Variants in SERINC5 observed in about 807,000 individuals in gnomAD.
SERINC5 encodes the protein serine incorporator 5.
Under a neutral mutation model 63.1 loss-of-function variants are expected in SERINC5, and 41 were observed. That is an observed-to-expected ratio of 0.65 (90% CI 0.51 to 0.84). The LOEUF is 0.84. SERINC5 is among the 40% of genes least tolerant of loss of function. SERINC5 has a pLI of 0.00. For missense variants in SERINC5, 523 were observed against 573.0 expected (o/e 0.91, Z 0.89); for synonymous variants, 222 against 215.2 (o/e 1.03, Z -0.28).
At chr5:80,214,195 G>A (rs1750561000) in intron 1 of SERINC5, among the ~76,000 whole-genome samples, 1 of 152,158 alleles carries the variant, frequency 6.6e-6, no homozygotes, top group Admixed American at 6.5e-5. Context: ...TATTAATAGT[G>A]TAGAGTATGA....
chr5:80,155,681 G>A (rs1315374338), intron 8 of SERINC5, among the ~76,000 whole-genome samples: 1 of 151,956 alleles, frequency 6.6e-6, no homozygotes, highest in Admixed American at 6.6e-5. Flanking sequence ...GAGGCAGGAG[G>A]ATCCCTTAAG....
chr5:80,148,182 TTTTATTC>T (rs1403249545), intron 9 of SERINC5, among the ~76,000 whole-genome samples: 9,016 of 141,758 alleles, frequency 0.064, 326 homozygotes, highest in East Asian at 0.097. Context: ...CTTGCGTATT[TTTTATTC>T]TTTTTTTTTT....
intron 1 of SERINC5, among the ~76,000 whole-genome samples, chr5:80,222,418 C>T (rs555110686): frequency 1.3e-4 from 20 of 152,164 alleles, no homozygotes; most frequent in Non-Finnish European, 2.6e-4. Context: ...CAAGGAGACT[C>T]GAGAAATGTG....
At chr5:80,148,965 C>T (rs970756801) in intron 9 of SERINC5, among the ~76,000 whole-genome samples, 2 of 152,128 alleles carry the variant, frequency 1.3e-5, no homozygotes, top group East Asian at 1.9e-4. Flanking sequence ...ATTCAGTGGG[C>T]CCAAGACACG....
chr5:80,219,508 G>T (rs559681301), intron 1 of SERINC5, among the ~76,000 whole-genome samples: 32 of 152,226 alleles, frequency 2.1e-4, no homozygotes, highest in Admixed American at 7.9e-4. Context: ...AATAGCCGCT[G>T]TTCATTGCCT....
intron 9 of SERINC5, among the ~76,000 whole-genome samples, chr5:80,149,034 C>T (rs1746005199): frequency 6.6e-6 from 1 of 152,214 alleles, no homozygotes; most frequent in Non-Finnish European, 1.5e-5. Flanking sequence ...TATGAACTCT[C>T]ACTTTCAAAG....
At chr5:80,228,857 T>C (rs559183767) in intron 1 of SERINC5, among the ~76,000 whole-genome samples, 1 of 152,188 alleles carries the variant, frequency 6.6e-6, no homozygotes, top group Admixed American at 6.5e-5. Context: ...CACACTCTAA[T>C]ATAAATAAAA....
chr5:80,254,910 A>G (rs896776646), intron 1 of SERINC5, among the ~76,000 whole-genome samples: 1 of 152,128 alleles, frequency 6.6e-6, no homozygotes, highest in Non-Finnish European at 1.5e-5. Flanking sequence ...CCACTCCATC[A>G]CTTACAGCTG....
chr5:80,199,678 T>G (rs934559838), intron 2 of SERINC5, among the ~76,000 whole-genome samples: 6 of 152,210 alleles, frequency 3.9e-5, no homozygotes, highest in African/African-American at 1.4e-4. Context: ...TATCTCTCCC[T>G]CTAACGTCTC....
In SERINC5 at chr5:80,142,537, G is replaced by A; in HGVS notation, c.*1126C>T. The stretch of plus-strand genomic sequence containing the variant: ...GCCACTTCCACACATTGCCTAACAA[G>A]CTTCTTCTGGTCAGTGTGTCTGAGA... On this transcript the variant is annotated 3_prime_UTR_variant, in exon 12 of 12. Transcript: ENST00000507668. The A allele has an allele frequency of 2.0e-6, 2 of 985,388 alleles. No individual in the cohort carries two copies. Among genetic ancestry groups the A allele is most frequent in the Non-Finnish European group, 1.2e-6 (1 of 829,950 alleles). The allele number at this position is 985,388 out of a possible 1,614,324, so 61.0% of individuals were successfully genotyped here. A position where few individuals can be genotyped will look rare whatever the true frequency, so the allele number is the denominator to read the frequency against.
chr5:80,139,417 A>G lies in SERINC5; in HGVS notation c.*4246T>C. On this transcript the variant is annotated 3_prime_UTR_variant, in exon 12 of 12. Transcript: ENST00000507668. The stretch of plus-strand genomic sequence containing the variant: ...GTTCTTCCATCATTTTACTCATGTG[A>G]ATATGATTAAACTCCTATAGAAGTG... The G allele has an allele frequency of 4.1e-6, 4 of 984,694 alleles. No individual in the cohort carries two copies. The highest frequency in any genetic ancestry group is 4.8e-6 in the Non-Finnish European group (4 of 829,270). The allele number at this position is 984,694 out of a possible 1,614,324, so 61.0% of individuals were successfully genotyped here. A position where few individuals can be genotyped will look rare whatever the true frequency, so the allele number is the denominator to read the frequency against.
At chr5:80,172,203 G>T (rs1035165932) in intron 5 of SERINC5, among the ~76,000 whole-genome samples, 2 of 152,078 alleles carry the variant, frequency 1.3e-5, no homozygotes, top group Non-Finnish European at 2.9e-5. Flanking sequence ...GGTGGTGCAT[G>T]CCTGTAATCC....
At chr5:80,234,279 A>C (rs1187241440) in intron 1 of SERINC5, among the ~76,000 whole-genome samples, 1 of 152,252 alleles carries the variant, frequency 6.6e-6, no homozygotes, top group East Asian at 1.9e-4. Context: ...CTGACAGTTT[A>C]ATCTTAGCAC....
Position 80,229,341 on chromosome 5 carries a change from A to ATTTTTT in SERINC5, c.28-26294_28-26289dup, listed in dbSNP as rs59664490. Among the ~76,000 whole-genome samples the ATTTTTT allele has an allele frequency of 2.4e-3, 286 of 120,178 alleles. 1 individual carries two copies. Among genetic ancestry groups the ATTTTTT allele is most frequent in the African/African-American group, 8.5e-3 (268 of 31,536 alleles). The allele number at this position is 120,178 out of a possible 152,430, so 78.8% of individuals were successfully genotyped here. A position where few individuals can be genotyped will look rare whatever the true frequency, so the allele number is the denominator to read the frequency against. The stretch of plus-strand genomic sequence containing the variant: ...TCCTGGCATTTTACATACTTACACA[A>ATTTTTT]TTTTTTTTTTTTTTTTTTTTGCTAA... On this transcript the variant is annotated intron_variant, in intron 1 of 11. Transcript: ENST00000507668.
At chr5:80,173,595 CAAAAGAAAAG>C (rs60584691) in intron 5 of SERINC5, among the ~76,000 whole-genome samples, 41 of 151,078 alleles carry the variant, frequency 2.7e-4, no homozygotes, top group African/African-American at 6.8e-4. Context: ...GACTCTGTCT[CAAAAGAAAAG>C]AAAAGAAAAG....
intron 11 of SERINC5, among the ~76,000 whole-genome samples, chr5:80,144,390 T>G (rs1315892079): frequency 6.6e-6 from 1 of 152,240 alleles, no homozygotes; most frequent in African/African-American, 2.4e-5. Context: ...AAGAGCTGGA[T>G]TACATTGTAA....
At chr5:80,160,026 G>A (rs965276491) in intron 7 of SERINC5, among the ~76,000 whole-genome samples, 6 of 152,198 alleles carry the variant, frequency 3.9e-5, no homozygotes, top group African/African-American at 1.2e-4. Flanking sequence ...CCCAAAGAAG[G>A]GGTAACTGTG....
At chr5:80,206,338 A>C (rs1720812355) in intron 1 of SERINC5, among the ~76,000 whole-genome samples, 1 of 152,202 alleles carries the variant, frequency 6.6e-6, no homozygotes, top group South Asian at 2.1e-4. Flanking sequence ...AACATACCAT[A>C]ATGGTATGAC....
chr5:80,119,127 G>A (rs1461851197), intron 11 of SERINC5, among the ~76,000 whole-genome samples: 2 of 151,984 alleles, frequency 1.3e-5, no homozygotes, highest in Non-Finnish European at 2.9e-5. Context: ...TCTGGAAAAG[G>A]GCCAATAATG....
Sources: gnomAD v4.1 joint callset for allele counts (sites outside exome capture counted in the v4.1 genomes callset) on GRCh38, gnomAD v4.1.1 for gene constraint, MANE v1.5 for transcripts, NCBI Gene and HGNC (gene_info 2026-07-23, HGNC 2026-07-21) for gene names.